The following SHANK2 variants were observed in gnomAD, a reference collection of about 807,000 sequenced individuals.
The protein encoded by SHANK2 is SH3 and multiple ankyrin repeat domains 2, also known as SH3 and multiple ankyrin repeat domains protein 2.
SHANK2 carries 43 observed loss-of-function variants against 133.7 expected under a neutral mutation model. The ratio of observed to expected loss-of-function variants is 0.32; its 90% CI spans 0.25 to 0.41. The LOEUF (loss-of-function observed/expected upper bound fraction) is 0.41. SHANK2 is among the 10% of genes least tolerant of loss of function. The pLI is 1.00. For missense variants in SHANK2, 1,994 were observed against 2,235.8 expected, an observed-to-expected ratio of 0.89 and a Z score of 2.18; for synonymous variants, 1,017 against 952.8, an observed-to-expected ratio of 1.07 and a Z score of -1.24.
intron 17 of SHANK2, among the ~76,000 whole-genome samples, chr11:70,576,136 A>G (rs533440220): frequency 2.0e-5 from 3 of 152,286 alleles, no homozygotes; most frequent in Admixed American, 6.5e-5. Flanking sequence ...ATTTGTGTCT[A>G]CGGGGAACTA....
intron 14 of SHANK2, among the ~76,000 whole-genome samples, chr11:70,789,498 G>A (rs1947741343): frequency 6.6e-6 from 1 of 152,112 alleles, no homozygotes; most frequent in African/African-American, 2.4e-5. Context: ...ACCCAGTCGA[G>A]ACCCCTGCAC....
chr11:70,723,279 AT>A (rs1248855429), intron 14 of SHANK2, among the ~76,000 whole-genome samples: 7 of 141,712 alleles, frequency 4.9e-5, no homozygotes, highest in African/African-American at 1.9e-4. Flanking sequence ...GATAGTAGCA[AT>A]TTTCTTGCTG....
At chr11:71,198,800 G>A (rs536258295) in intron 2 of SHANK2, among the ~76,000 whole-genome samples, 1 of 152,204 alleles carries the variant, frequency 6.6e-6, no homozygotes, top group Non-Finnish European at 1.5e-5. Flanking sequence ...GTTGTGAGGC[G>A]GCGGGGTCTT....
rs1172089282 is a variant in SHANK2 at position 71,167,974 on chromosome 11, C to T, written c.-12-20636G>A. ...GAGGTGGCTGCCGGGCAGAGAAGCT[C>T]CTCACTTCCCAGACGGGGTGGCTGC... On this transcript the variant is annotated intron_variant, in intron 2 of 25. Transcript: ENST00000601538. Among the ~76,000 whole-genome samples the T allele has an allele frequency of 1.1e-3, 119 of 103,588 alleles. 2 individuals carry two copies. The highest frequency in any genetic ancestry group is 2.1e-3 in the Non-Finnish European group (100 of 47,872). 68.0% of individuals were successfully genotyped at this position (103,588 alleles called of 152,430 possible).
chr11:70,916,143 A>G (rs1950266206), intron 10 of SHANK2, among the ~76,000 whole-genome samples: 2 of 152,242 alleles, frequency 1.3e-5, no homozygotes, highest in South Asian at 4.1e-4. Flanking sequence ...AAGCCATTCT[A>G]AACCGGGCAA....
At chr11:70,481,783 G>A (rs535551477) in intron 25 of SHANK2, among the ~76,000 whole-genome samples, 248 of 152,342 alleles carry the variant, frequency 1.6e-3, no homozygotes, top group African/African-American at 5.8e-3. Context: ...TCGCCCAGGC[G>A]GTGAACTCAG....
At chr11:71,056,116 T>C (rs1950915988) in intron 10 of SHANK2, among the ~76,000 whole-genome samples, 1 of 152,172 alleles carries the variant, frequency 6.6e-6, no homozygotes, top group Non-Finnish European at 1.5e-5. Context: ...AGCCCCCTCC[T>C]GTGTGATCCT....
chr11:70,660,395 G>A (rs1555012933), intron 16 of SHANK2, among the ~76,000 whole-genome samples: 1 of 152,216 alleles, frequency 6.6e-6, no homozygotes, highest in Non-Finnish European at 1.5e-5. Context: ...CTTGGAACGC[G>A]GACGGAACAT....
At chr11:70,944,453 G>C (rs1555085010) in intron 10 of SHANK2, among the ~76,000 whole-genome samples, 1 of 152,226 alleles carries the variant, frequency 6.6e-6, no homozygotes, top group East Asian at 1.9e-4. Context: ...CATAGGAGGG[G>C]CCGATTCGAG....
intron 2 of SHANK2, among the ~76,000 whole-genome samples, chr11:71,162,218 T>C (rs371579196): frequency 6.6e-6 from 1 of 152,234 alleles, no homozygotes; most frequent in African/African-American, 2.4e-5. Context: ...CAGCTCTGGA[T>C]GCTGAGAAAC....
chr11:71,236,586 T>C (rs1954828398), intron 1 of SHANK2, among the ~76,000 whole-genome samples: 1 of 152,184 alleles, frequency 6.6e-6, no homozygotes, highest in Admixed American at 6.5e-5. Context: ...TTGAGCCTGG[T>C]TCCAGTAGGC....
chr11:70,841,556 A>G (rs1555061696), intron 11 of SHANK2, among the ~76,000 whole-genome samples: 1 of 152,234 alleles, frequency 6.6e-6, no homozygotes, highest in African/African-American at 2.4e-5. Context: ...AGTGAAACTC[A>G]AGCCCTGTGG....
chr11:70,919,508 G>T (rs531686972), intron 10 of SHANK2, among the ~76,000 whole-genome samples: 1 of 151,758 alleles, frequency 6.6e-6, no homozygotes, highest in East Asian at 1.9e-4. Context: ...TCAGCCTCCC[G>T]AATAGCTGGG....
intron 3 of SHANK2, among the ~76,000 whole-genome samples, chr11:71,144,942 G>T (rs1294740115): frequency 6.6e-6 from 1 of 152,244 alleles, no homozygotes; most frequent in Non-Finnish European, 1.5e-5. Context: ...GCAGAGGGAC[G>T]TGTCGGAACA....
chr11:71,248,312 T>TG (rs1171908874), intron 1 of SHANK2, among the ~76,000 whole-genome samples: 8 of 152,252 alleles, frequency 5.3e-5, no homozygotes, highest in Admixed American at 4.6e-4. Context: ...AGAAGTATGA[T>TG]GAGAAACTGG....
At chr11:70,643,843 G>A (rs2061221563) in intron 17 of SHANK2, among the ~76,000 whole-genome samples, 1 of 152,032 alleles carries the variant, frequency 6.6e-6, no homozygotes, top group South Asian at 2.1e-4. Context: ...AACAACAAAA[G>A]GTGAACAGAA....
Position 71,180,910 on chromosome 11 carries a change from C to T in SHANK2, c.-12-33572G>A, listed in dbSNP as rs141288024. Among the ~76,000 whole-genome samples, 578 of 152,122 alleles carry T rather than the reference C, an allele frequency of 3.8e-3. 8 individuals are homozygous for T. Among genetic ancestry groups the T allele is most frequent in the African/African-American group, 0.012 (513 of 41,522 alleles). On this transcript the variant is annotated intron_variant, in intron 2 of 25. Coordinates refer to ENST00000601538, the MANE Select transcript of SHANK2 (RefSeq NM_012309.5). The stretch of plus-strand genomic sequence containing the variant: ...AACGCCCACGAGGCACAGCCCCGTC[C>T]GGCTGTCTAGTGTATTTCTGGCCAT...
chr11:70,824,743 C>T (rs1461233899), intron 11 of SHANK2, among the ~76,000 whole-genome samples: 3 of 152,142 alleles, frequency 2.0e-5, no homozygotes, highest in Non-Finnish European at 2.9e-5. Context: ...TGCATGGAGG[C>T]TTACAAAGAT....
At chr11:70,570,312 C>T (rs1473125613) in intron 17 of SHANK2, among the ~76,000 whole-genome samples, 2 of 152,228 alleles carry the variant, frequency 1.3e-5, no homozygotes, top group Non-Finnish European at 1.5e-5. Context: ...TTTTCTAAAA[C>T]TGGTATTTCT....
Sources: allele counts gnomAD v4.1 joint callset (sites outside exome capture counted in the v4.1 genomes callset), GRCh38; gene constraint gnomAD v4.1.1; transcripts MANE v1.5; gene names NCBI Gene and HGNC (gene_info 2026-07-23, HGNC 2026-07-21).